The following ABCD3 variants were observed in gnomAD, a reference collection of about 807,000 sequenced individuals.
The protein encoded by ABCD3 is ATP binding cassette subfamily D member 3.
A neutral mutation model predicts 105.5 loss-of-function variants in ABCD3; 41 were observed. The observed-to-expected ratio is 0.39, with a 90% CI of 0.30 to 0.50. ABCD3 has a LOEUF of 0.50. ABCD3 is among the 20% of genes least tolerant of loss of function. The pLI, the probability that ABCD3 is intolerant of heterozygous loss-of-function variation, is 0.84. For missense variants in ABCD3, 622 were observed against 806.3 expected, an observed-to-expected ratio of 0.77 and a Z score of 2.77; for synonymous variants, 258 against 269.0, an observed-to-expected ratio of 0.96 and a Z score of 0.40.
At chr1:94,406,340 GTTTTT>G in the ABCD3 span, 4 of 141,438 alleles carry the variant, frequency 2.8e-5, no homozygotes, top group South Asian at 3.4e-4. Flanking sequence ...ATTTTGTTTT[GTTTTT>G]TTTTTTTTTT....
intron 1 of ABCD3, among the ~76,000 whole-genome samples, chr1:94,441,355 T>C (rs548007271): frequency 1.3e-5 from 2 of 152,350 alleles, no homozygotes; most frequent in African/African-American, 4.8e-5. Flanking sequence ...TGCAACAATA[T>C]ACTTTATTGG....
chr1:94,429,338 A>C (rs927152101), intron 1 of ABCD3, among the ~76,000 whole-genome samples: 2 of 152,194 alleles, frequency 1.3e-5, no homozygotes, highest in Admixed American at 6.5e-5. Context: ...TTCTGAGGGG[A>C]AATGCAAGCC....
chr1:94,479,736 A>G (rs1648946798), intron 8 of ABCD3, among the ~76,000 whole-genome samples: 1 of 152,148 alleles, frequency 6.6e-6, no homozygotes, highest in African/African-American at 2.4e-5. Flanking sequence ...ACTGTTCAGG[A>G]AACATTTATA....
intron 21 of ABCD3, chr1:94,514,567 G>A (rs72729511): frequency 0.22 from 33,353 of 151,528 alleles, 4,753 homozygotes; most frequent in Middle Eastern, 0.41. Flanking sequence ...GTAAAACTTC[G>A]CCTAAGCTAA....
chr1:94,426,125 C>G (rs1348824120), intron 1 of ABCD3, among the ~76,000 whole-genome samples: 2 of 152,186 alleles, frequency 1.3e-5, no homozygotes, highest in African/African-American at 2.4e-5. Context: ...TAAAAACTCC[C>G]GAGCCTTCCT....
chr1:94,484,012 T>G (rs564295850), intron 10 of ABCD3, among the ~76,000 whole-genome samples: 2 of 152,294 alleles, frequency 1.3e-5, no homozygotes, highest in Admixed American at 1.3e-4. Context: ...AAGAAGACAT[T>G]TATGCAGCCA....
intron 1 of ABCD3, among the ~76,000 whole-genome samples, chr1:94,456,356 C>T (rs550624173): frequency 7.1e-6 from 1 of 141,618 alleles, no homozygotes; most frequent in East Asian, 2.2e-4. Context: ...CTTGCTGCAA[C>T]CTCTGCCTCC....
intron 13 of ABCD3, among the ~76,000 whole-genome samples, chr1:94,489,072 T>C (rs1649407191): frequency 6.6e-6 from 1 of 152,134 alleles, no homozygotes; most frequent in Non-Finnish European, 1.5e-5. Context: ...TTCTGCTTTT[T>C]ATTCAGAGAA....
intron 10 of ABCD3, among the ~76,000 whole-genome samples, chr1:94,485,281 A>G (rs950526439): frequency 2.6e-5 from 4 of 152,172 alleles, no homozygotes; most frequent in African/African-American, 9.7e-5. Flanking sequence ...TGCTCACTCC[A>G]GGTGCTAAGG....
chr1:94,399,186 C>A, the ABCD3 span, among the ~76,000 whole-genome samples: 1,421 of 152,282 alleles, frequency 9.3e-3, 26 homozygotes, highest in African/African-American at 0.033. Context: ...AATTCCTTCA[C>A]CCTGCCCAAC....
chr1:94,508,973 T>C (rs1012514752), intron 21 of ABCD3, among the ~76,000 whole-genome samples: 2 of 152,170 alleles, frequency 1.3e-5, no homozygotes, highest in Non-Finnish European at 2.9e-5. Flanking sequence ...TGAATACCCT[T>C]TATTTCCTTG....
At chr1:94,464,908 G>T (rs755276314) in intron 3 of ABCD3, 35 bp downstream of exon 3, 1 of 1,539,032 alleles carries the variant, frequency 6.5e-7, no homozygotes, top group Non-Finnish European at 9.0e-7. Context: ...TAAGTATATT[G>T]GGCCGTTCTT....
chr1:94,405,108 T>A, the ABCD3 span, among the ~76,000 whole-genome samples: 1 of 152,184 alleles, frequency 6.6e-6, no homozygotes, highest in Non-Finnish European at 1.5e-5. Context: ...ATCTTGTGCA[T>A]ATTGCATTTT....
chr1:94,414,043 A>T (rs1038228005), upstream of ABCD3, among the ~76,000 whole-genome samples: 48 of 152,180 alleles, frequency 3.2e-4, no homozygotes, highest in Non-Finnish European at 5.4e-4. Context: ...AGGGAAGACT[A>T]CAGAAGTGAA....
At chr1:94,455,381 G>A (rs1243259204) in intron 1 of ABCD3, among the ~76,000 whole-genome samples, 8 of 150,172 alleles carry the variant, frequency 5.3e-5, no homozygotes, top group East Asian at 2.0e-4. Context: ...GCTGGAGTGC[G>A]ATGGCACGAT....
intron 19 of ABCD3, 52 bp downstream of exon 19, chr1:94,499,086 T>C (rs1334421242): frequency 2.1e-6 from 3 of 1,442,126 alleles, no homozygotes; most frequent in Non-Finnish European, 2.9e-6. Context: ...AGATTATTTA[T>C]TTTAATCAAT....
chr1:94,490,135 T>G (rs1371367271), intron 15 of ABCD3, among the ~76,000 whole-genome samples, 160 bp downstream of exon 15: 1 of 152,054 alleles, frequency 6.6e-6, no homozygotes, highest in Non-Finnish European at 1.5e-5. Context: ...TATATTAATA[T>G]TTAAAGTATG....
chr1:94,402,189 T>G, the ABCD3 span, among the ~76,000 whole-genome samples: 2 of 152,248 alleles, frequency 1.3e-5, no homozygotes, highest in African/African-American at 4.8e-5. Context: ...GTTTACCCAT[T>G]CTTTTGCTGA....
intron 19 of ABCD3, 33 bp from the exon 20 acceptor site, chr1:94,499,462 G>A (rs1296007983): frequency 6.2e-7 from 1 of 1,604,770 alleles, no homozygotes; most frequent in Non-Finnish European, 8.5e-7. Context: ...CTTATATTAA[G>A]TTTAATTTCA....
Sources: gnomAD v4.1 joint callset for allele counts (sites outside exome capture counted in the v4.1 genomes callset) on GRCh38, gnomAD v4.1.1 for gene constraint, MANE v1.5 for transcripts, NCBI Gene and HGNC (gene_info 2026-07-23, HGNC 2026-07-21) for gene names.